The following UBASH3B variants were observed in gnomAD, a reference collection of about 807,000 sequenced individuals.
The protein encoded by UBASH3B is ubiquitin associated and SH3 domain containing B.
In UBASH3B, 37 loss-of-function variants were observed where a neutral mutation model predicts 83.4. The observed-to-expected ratio is 0.44, with a 90% CI of 0.34 to 0.58. UBASH3B has a LOEUF of 0.58. UBASH3B is among the 20% of genes least tolerant of loss of function. The pLI, the probability that UBASH3B is intolerant of heterozygous loss-of-function variation, is 0.01. For missense variants in UBASH3B, 657 were observed against 827.2 expected, an observed-to-expected ratio of 0.79 and a Z score of 2.52; for synonymous variants, 304 against 318.3, an observed-to-expected ratio of 0.96 and a Z score of 0.48.
Position 122,656,215 on chromosome 11 carries a change from G to A in UBASH3B, c.161+5G>A, listed in dbSNP as rs1268974714. 2 of 1,454,796 alleles carry A rather than the reference G, an allele frequency of 1.4e-6. No homozygotes were observed. The highest frequency in any genetic ancestry group is 1.5e-5 in the African/African-American group (1 of 67,964). 90.1% of individuals were successfully genotyped at this position (1,454,796 alleles called of 1,614,324 possible). Reference sequence around the variant, plus strand: ...GGGGTTCCCCAGAGCCCGCGCGTAAGTGGCCGGGCTCGCAGCCCTCGGCGA... The same window carrying A: ...GGGGTTCCCCAGAGCCCGCGCGTAAATGGCCGGGCTCGCAGCCCTCGGCGA... On this transcript the variant is annotated splice_donor_5th_base_variant and intron_variant, in intron 1 of 13. Coordinates refer to ENST00000284273, the MANE Select transcript of UBASH3B (RefSeq NM_032873.5).
chr11:122,767,537 T>C (rs958442196), intron 1 of UBASH3B, among the ~76,000 whole-genome samples: 1 of 151,852 alleles, frequency 6.6e-6, no homozygotes, highest in African/African-American at 2.4e-5. Context: ...GGTCTCGATC[T>C]CTTGACCTCG....
chr11:122,725,457 G>A (rs1860722065), intron 1 of UBASH3B, among the ~76,000 whole-genome samples: 1 of 152,102 alleles, frequency 6.6e-6, no homozygotes, highest in Admixed American at 6.5e-5. Context: ...CAGGAGGCAA[G>A]GGTTTGGAAA....
intron 1 of UBASH3B, among the ~76,000 whole-genome samples, chr11:122,755,328 G>A (rs1207283949): frequency 6.6e-6 from 1 of 152,092 alleles, no homozygotes; most frequent in African/African-American, 2.4e-5. Context: ...AGAAGGCTCC[G>A]GTAACCCACA....
chr11:122,695,026 C>T (rs1185677233), intron 1 of UBASH3B, among the ~76,000 whole-genome samples: 4 of 125,464 alleles, frequency 3.2e-5, no homozygotes, highest in South Asian at 2.7e-4. Flanking sequence ...TGCAGTGGCA[C>T]GATTTCAGCT....
intron 1 of UBASH3B, among the ~76,000 whole-genome samples, chr11:122,749,231 T>A (rs1427160763): frequency 6.6e-6 from 1 of 152,238 alleles, no homozygotes; most frequent in East Asian, 1.9e-4. Context: ...GGTGTCTAAT[T>A]TGTGGGGCTG....
rs1218729776 is a variant in UBASH3B, at chr11:122,789,304, C to A, written c.976C>A (p.His326Asn). 1 of 1,614,158 alleles carries A rather than the reference C, an allele frequency of 6.2e-7. No homozygotes were observed. The highest frequency in any genetic ancestry group is 8.5e-7 in the Non-Finnish European group (1 of 1,180,010). The change falls in exon 6 of 14, where the codon CAT becomes AAT. Residue 326 changes from histidine to asparagine, a missense_variant. By Grantham distance (68) the His-to-Asn change is moderately conservative. Coordinates refer to ENST00000284273, the MANE Select transcript of UBASH3B (RefSeq NM_032873.5). ...TGATGAATGCAGCACCTGGATATTT[C>A]ATGGGTAAGCAGACACAAAGACCTT... ...KADECSTWIF[H>N]GSYSILNTSS...
rs1364722356 is a variant in UBASH3B at position 122,810,101 on chromosome 11, G to A, written c.*215G>A. On this transcript the variant is annotated 3_prime_UTR_variant, in exon 14 of 14. Transcript: ENST00000284273. ...TGTGTTCTCTCTGGACTCTTGCCTA[G>A]CTCACAAGGCTTTGGAGAATTGTCT... 1.4e-5 allele frequency: 7 copies of A among 516,576 alleles called. No homozygotes were observed. Among genetic ancestry groups the A allele is most frequent in the Non-Finnish European group, 2.3e-5 (7 of 301,008 alleles). The allele number at this position is 516,576 out of a possible 1,614,324, so 32.0% of individuals were successfully genotyped here.
chr11:122,675,750 G>A (rs944987101), intron 1 of UBASH3B, among the ~76,000 whole-genome samples: 4 of 152,142 alleles, frequency 2.6e-5, no homozygotes, highest in African/African-American at 4.8e-5. Flanking sequence ...GGAGATAGAC[G>A]CATACACAGT....
chr11:122,759,762 ATGCTCACTCGCCTGCC>A lies in UBASH3B; in HGVS notation c.162-16453_162-16438del, dbSNP rs1861340026. Among the ~76,000 whole-genome samples, 1 of 152,200 alleles carries A rather than the reference ATGCTCACTCGCCTGCC, an allele frequency of 6.6e-6. No homozygotes were observed. Among genetic ancestry groups the A allele is most frequent in the Admixed American group, 6.5e-5 (1 of 15,278 alleles). On this transcript the variant is annotated intron_variant, in intron 1 of 13. Transcript: ENST00000284273. This position sits in a 1 kb window ranked among gnomAD's most constrained non-coding sequence, Gnocchi z 4.1. Reference sequence around the variant, plus strand: ...GATAGGAGGCAGAGCTCAGGCAGTAATGCTCACTCGCCTGCCTGCCTGCTGTGCAGCCTGGCTCCTA... The same window carrying A: ...GATAGGAGGCAGAGCTCAGGCAGTAATGCCTGCTGTGCAGCCTGGCTCCTA...
At position 122,796,252 on chromosome 11, in the gene UBASH3B, C is replaced by G; in HGVS notation, c.1210C>G (p.Leu404Val). Reference protein sequence around the residue: ...RMDVVFGKYWLSQCFDAKGRY... With the variant: ...RMDVVFGKYWVSQCFDAKGRY... ...GGATGTTGTGTTTGGGAAGTACTGG[C>G]TGTCCCAGTGCTTCGATGCCAAAGG... Residue 404 changes from leucine (L) to valine (V), a missense_variant, in exon 8 of 14, where the codon CTG becomes GTG. Leu to Val is a conservative substitution (Grantham distance 32). Coordinates refer to ENST00000284273, the MANE Select transcript of UBASH3B (RefSeq NM_032873.5). 6.2e-7 allele frequency: 1 copy of G among 1,614,156 alleles called. No homozygotes were observed.
intron 1 of UBASH3B, among the ~76,000 whole-genome samples, chr11:122,721,600 C>T (rs532648255): frequency 1.3e-5 from 2 of 152,306 alleles, no homozygotes; most frequent in African/African-American, 2.4e-5. Flanking sequence ...AGTCCTTAAT[C>T]CAGACTGCCT....
chr11:122,807,794 T>G (rs899271334), intron 12 of UBASH3B, among the ~76,000 whole-genome samples: 8 of 152,078 alleles, frequency 5.3e-5, no homozygotes, highest in Admixed American at 4.6e-4. Context: ...ACTCAAGTGG[T>G]CCTCCCTCCT....
intron 1 of UBASH3B, among the ~76,000 whole-genome samples, chr11:122,741,995 C>T (rs188320056): frequency 2.0e-5 from 3 of 152,320 alleles, no homozygotes; most frequent in Admixed American, 2.0e-4. Context: ...GAGATTTAGC[C>T]TCTCTGGTCT....
chr11:122,715,023 G>A (rs1860489705), intron 1 of UBASH3B, among the ~76,000 whole-genome samples: 1 of 152,120 alleles, frequency 6.6e-6, no homozygotes, highest in Admixed American at 6.5e-5. Flanking sequence ...TCGGCTCACT[G>A]CAAGCTCCGC....
At chr11:122,709,044 C>T (rs1591779698) in intron 1 of UBASH3B, among the ~76,000 whole-genome samples, 1 of 152,214 alleles carries the variant, frequency 6.6e-6, no homozygotes. Context: ...CCCAGGAGTT[C>T]GAGACCAGCC....
intron 1 of UBASH3B, among the ~76,000 whole-genome samples, chr11:122,756,060 G>A (rs1340149595): frequency 1.4e-5 from 2 of 143,474 alleles, no homozygotes; most frequent in Admixed American, 7.0e-5. Context: ...AATCCATCCC[G>A]ATTTAGGCAT....
chr11:122,723,692 C>T (rs182520803), intron 1 of UBASH3B, among the ~76,000 whole-genome samples: 16 of 152,320 alleles, frequency 1.1e-4, no homozygotes, highest in African/African-American at 3.8e-4. Flanking sequence ...TCCCAAAGAG[C>T]ACCGGGTAGA....
chr11:122,758,946 G>A lies in UBASH3B; in HGVS notation c.162-17273G>A, dbSNP rs531886042. The stretch of plus-strand genomic sequence containing the variant: ...TATTTCACTCTTCCTGAAAAGCTAG[G>A]TGTTTTCACTTTTTATGACTCAGCA... On this transcript the variant is annotated intron_variant, in intron 1 of 13. Coordinates refer to ENST00000284273, the MANE Select transcript of UBASH3B (RefSeq NM_032873.5). The surrounding 1 kb of genome is among the most constrained non-coding windows in gnomAD (Gnocchi z 4.2). Among the ~76,000 whole-genome samples, 216 of 152,244 alleles carry A rather than the reference G, an allele frequency of 1.4e-3. No homozygotes were observed. Among genetic ancestry groups the A allele is most frequent in the Admixed American group, 2.6e-3 (40 of 15,288 alleles).
chr11:122,690,204 A>AAT (rs1863871901), intron 1 of UBASH3B, among the ~76,000 whole-genome samples: 9 of 24,556 alleles, frequency 3.7e-4, no homozygotes, highest in South Asian at 1.8e-3. Flanking sequence ...ATATATATAT[A>AAT]TATATCCAAT....
Sources: allele counts gnomAD v4.1 joint callset (sites outside exome capture counted in the v4.1 genomes callset), GRCh38; gene constraint gnomAD v4.1.1; non-coding constraint Gnocchi (gnomAD v3.1); transcripts MANE v1.5; gene names NCBI Gene and HGNC (gene_info 2026-07-23, HGNC 2026-07-21).